The following ZNF226 variants were observed in gnomAD, a reference collection of about 807,000 sequenced individuals.
ZNF226 encodes the protein Kruppel-associated box protein.
ZNF226 carries 6 observed loss-of-function variants against 11.4 expected under a neutral mutation model. That is an observed-to-expected ratio of 0.53 (90% CI 0.29 to 1.04). The LOEUF (loss-of-function observed/expected upper bound fraction) is 1.04. ZNF226 is among the 50% of genes least tolerant of loss of function. The probability of loss-of-function intolerance (pLI) is 0.08; values close to 1 mark genes in which losing one functional copy is unlikely to be tolerated. For synonymous variants in ZNF226, 350 were observed against 322.8 expected, an observed-to-expected ratio of 1.08 and a Z score of -0.90; for missense variants, 1,058 against 956.5, an observed-to-expected ratio of 1.11 and a Z score of -1.40.
rs1970179888 is a variant in ZNF226, at chr19:44,172,204, G to C, written c.132G>C (p.Leu44=). The C allele has an allele frequency of 1.2e-6, 2 of 1,611,162 alleles. No homozygotes were observed. The highest frequency in any genetic ancestry group is 8.5e-7 in the Non-Finnish European group (1 of 1,178,188). The change falls in exon 4 of 6, where the codon CTG becomes CTC. Residue 44 remains leucine, a synonymous_variant. Coordinates refer to ENST00000337433, the MANE Select transcript of ZNF226 (RefSeq NM_001032373.2). ...RDVMVENFRN[L]LSVGHPPFKQ... is the part of the protein sequence containing the mutation. ...TGATGGTGGAGAACTTTAGGAACCT[G>C]CTGTCAGTGGGTGAGGACAGCCTCC...
At chr19:44,181,451 A>T (rs113710615), downstream of ZNF226, among the ~76,000 whole-genome samples, 1 of 145,518 alleles carries the variant, frequency 6.9e-6, no homozygotes, top group African/African-American at 2.8e-5. Flanking sequence ...CCTCCAGGAG[A>T]TTTTTCTATC....
rs1177013296 is a variant in ZNF226, at chr19:44,176,460, T to G, written c.1198T>G (p.Phe400Val). The G allele has an allele frequency of 5.0e-6, 8 of 1,613,860 alleles. No individual in the cohort carries two copies. The highest frequency in any genetic ancestry group is 6.8e-6 in the Non-Finnish European group (8 of 1,179,984). The change falls in exon 6 of 6, where the codon TTC becomes GTC. Residue 400 changes from phenylalanine (F) to valine (V), a missense_variant. Phe to Val is a conservative substitution (Grantham distance 50). Transcript: ENST00000337433. ...PFKCDACGKS[F>V]SRNSHLQSHQ... The stretch of plus-strand genomic sequence containing the variant: ...CAAATGTGATGCATGTGGTAAGAGC[T>G]TCAGTCGGAATTCACATCTTCAATC...
the ZNF226 span, among the ~76,000 whole-genome samples, chr19:44,184,683 C>G: frequency 6.6e-6 from 1 of 152,068 alleles, no homozygotes; most frequent in Non-Finnish European, 1.5e-5. Context: ...CTAAAACCAC[C>G]AGGGAAGAGA....
At chr19:44,187,210 A>G in the ZNF226 span, among the ~76,000 whole-genome samples, 2 of 151,902 alleles carry the variant, frequency 1.3e-5, no homozygotes, top group South Asian at 2.1e-4. This position sits in a 1 kb window ranked among gnomAD's most constrained non-coding sequence, Gnocchi z 4.0. Context: ...TTCTTTAAAT[A>G]TTTGGTAGAA....
chr19:44,179,648 GACTT>G (rs1970876786), downstream of ZNF226, among the ~76,000 whole-genome samples: 1 of 152,188 alleles, frequency 6.6e-6, no homozygotes. Flanking sequence ...ATTCTTGACA[GACTT>G]ACTCACTGGC....
downstream of ZNF226, among the ~76,000 whole-genome samples, chr19:44,182,080 T>A (rs1476318204): frequency 3.3e-5 from 5 of 152,200 alleles, no homozygotes; most frequent in Non-Finnish European, 5.9e-5. Context: ...TGAACAGTGA[T>A]TCCAGACCCA....
In ZNF226 at chr19:44,175,539, G is replaced by T. The variant is rs770789688; in HGVS notation, c.277G>T (p.Glu93Ter). 6.2e-7 allele frequency: 1 copy of T among 1,610,928 alleles called. No homozygotes were observed. The highest frequency in any genetic ancestry group is 1.3e-5 in the African/African-American group (1 of 74,806). The change falls in exon 6 of 6, where the codon GAA (glutamate) becomes TAA (stop). Residue 93 changes from glutamate (E) to a stop codon, truncating the protein, a stop_gained. Coordinates refer to ENST00000337433, the MANE Select transcript of ZNF226 (RefSeq NM_001032373.2). LOFTEE classifies it low-confidence loss of function (END_TRUNC). ...QSKLITVQDR[E>*]SEEELSCWQI... is the part of the protein sequence containing the mutation. Reference sequence around the variant, plus strand: ...TAAGTTAATTACTGTTCAAGACAGAGAATCAGAAGAAGAGCTTTCTTGTTG... The same window carrying T: ...TAAGTTAATTACTGTTCAAGACAGATAATCAGAAGAAGAGCTTTCTTGTTG...
chr19:44,178,318 G>C (rs1970850989), downstream of ZNF226: 1 of 152,216 alleles, frequency 6.6e-6, no homozygotes, highest in South Asian at 2.1e-4. Context: ...TGTTCATCTT[G>C]TAATAACTGG....
chr19:44,177,368 G>A lies in ZNF226; in HGVS notation c.2106G>A (p.Gly702=), dbSNP rs774166210. Residue 702 remains glycine, a synonymous_variant, in exon 6 of 6, where the codon GGG becomes GGA. Transcript: ENST00000337433. ...VHTGEKPYKC[G]ECGKYFSQAS... is the part of the protein sequence containing the mutation. ...CAGGAGAAAAACCATATAAATGTGG[G>A]GAGTGTGGTAAGTACTTCAGTCAGG... The A allele has an allele frequency of 6.2e-7, 1 of 1,613,192 alleles. No homozygotes were observed. Among genetic ancestry groups the A allele is most frequent in the South Asian group, 1.1e-5 (1 of 91,030 alleles).
downstream of ZNF226, among the ~76,000 whole-genome samples, chr19:44,182,630 T>G (rs144992617): frequency 3.3e-5 from 5 of 152,176 alleles, no homozygotes; most frequent in African/African-American, 1.2e-4. Context: ...TTGGGAGAGC[T>G]CTGTAGTAAC....
rs777763383 is a variant in ZNF226, at chr19:44,170,138, T to C, written c.15+43T>C. The C allele has an allele frequency of 6.9e-6, 11 of 1,602,206 alleles. No individual in the cohort carries two copies. In the Admixed American group the frequency reaches 1.9e-4, roughly 27 times the overall value. ...TTCCCAGCTGTTAAAAATACCATTTTAGTACTCAGAGATGGAACCAGGTTT... is the reference window on the plus strand; with the variant it reads ...TTCCCAGCTGTTAAAAATACCATTTCAGTACTCAGAGATGGAACCAGGTTT... On this transcript the variant is annotated intron_variant, in intron 3 of 5. Transcript: ENST00000337433.
At chr19:44,179,556 T>C (rs561133297), downstream of ZNF226, among the ~76,000 whole-genome samples, 30 of 152,326 alleles carry the variant, frequency 2.0e-4, no homozygotes, top group Non-Finnish European at 2.9e-4. Flanking sequence ...TTGCAGTGAA[T>C]GCATTTGAAG....
downstream of ZNF226, chr19:44,177,725 AAGTCAGTGTTTCAGCCGT>A: frequency 6.6e-7 from 1 of 1,515,284 alleles, no homozygotes; most frequent in Non-Finnish European, 8.8e-7. Flanking sequence ...TCAAGTCTCA[AAGTCAGTGTTTCAGCCGT>A]AGCTCCTCAT....
intron 5 of ZNF226, chr19:44,175,089 T>G (rs977555338): frequency 9.4e-6 from 15 of 1,603,846 alleles, no homozygotes; most frequent in Non-Finnish European, 1.2e-5. Flanking sequence ...GAAGAAATGT[T>G]GGAAGGACTC....
chr19:44,165,357 C>G (rs938518994), intron 1 of ZNF226: 1 of 152,124 alleles, frequency 6.6e-6, no homozygotes, highest in African/African-American at 2.4e-5. Context: ...TTGAAGGTCT[C>G]TCGGGCTGTT....
chr19:44,172,959 AC>A lies in ZNF226; in HGVS notation c.235+9del. The stretch of plus-strand genomic sequence containing the variant: ...CGAAGACAGGGAAATTTAGGTAAAA[AC>A]CAAACAGTTATGAGTTCTTATAGTT... On this transcript the variant is annotated splice_region_variant and intron_variant, in intron 5 of 5. Coordinates refer to ENST00000337433, the MANE Select transcript of ZNF226 (RefSeq NM_001032373.2). The A allele has an allele frequency of 6.3e-7, 1 of 1,585,880 alleles. No individual in the cohort carries two copies. The highest frequency in any genetic ancestry group is 1.2e-5 in the South Asian group (1 of 86,628).
downstream of ZNF226, among the ~76,000 whole-genome samples, chr19:44,179,014 T>C (rs1004913381): frequency 6.6e-6 from 1 of 152,102 alleles, no homozygotes; most frequent in East Asian, 1.9e-4. Context: ...ACCCTGTCTC[T>C]ACTAAAAATA....
chr19:44,167,767 A>G (rs1229112803), intron 2 of ZNF226: 1 of 152,224 alleles, frequency 6.6e-6, no homozygotes, highest in Non-Finnish European at 1.5e-5. Flanking sequence ...GTTGATGACC[A>G]TCAGCCATCA....
At chr19:44,182,341 G>A (rs1056491720), downstream of ZNF226, among the ~76,000 whole-genome samples, 6 of 146,496 alleles carry the variant, frequency 4.1e-5, no homozygotes, top group East Asian at 2.0e-4. Flanking sequence ...CACGTGATGC[G>A]CGCGCGCGCG....
Sources: gnomAD v4.1 joint callset for allele counts (sites outside exome capture counted in the v4.1 genomes callset) on GRCh38, gnomAD v4.1.1 for gene constraint, Gnocchi (gnomAD v3.1) non-coding constraint, MANE v1.5 for transcripts, NCBI Gene and HGNC (gene_info 2026-07-23, HGNC 2026-07-21) for gene names.